Variants in ZCCHC7 observed in about 807,000 individuals in gnomAD.
ZCCHC7 encodes the protein zinc finger CCHC domain-containing protein 7.
Under a neutral mutation model 52.0 loss-of-function variants are expected in ZCCHC7, and 35 were observed. The observed-to-expected ratio is 0.67, with a 90% CI of 0.51 to 0.89. ZCCHC7 has a LOEUF of 0.89. Ranked by LOEUF, ZCCHC7 falls within the 40% of genes least tolerant of loss-of-function variation. ZCCHC7 has a pLI of 0.00. For missense variants in ZCCHC7, 574 were observed against 649.1 expected, an observed-to-expected ratio of 0.88 and a Z score of 1.26; for synonymous variants, 217 against 221.5, an observed-to-expected ratio of 0.98 and a Z score of 0.18.
At position 37,198,265 on chromosome 9, in the gene ZCCHC7, C is replaced by T. The variant is rs1327179974; in HGVS notation, c.610+71323C>T. 4.6e-5 allele frequency among the ~76,000 whole-genome samples: 7 copies of T among 152,162 alleles called. No homozygotes were observed. In the South Asian group the frequency reaches 8.3e-4, roughly 18 times the overall value. Reference sequence around the variant, plus strand: ...AGACCCAGCTAAAATATCACTTGTTCTATGGAGTCTTTCTCAGACTGAATA... The same window carrying T: ...AGACCCAGCTAAAATATCACTTGTTTTATGGAGTCTTTCTCAGACTGAATA... On this transcript the variant is annotated intron_variant, in intron 2 of 8. Coordinates refer to ENST00000336755, the MANE Select transcript of ZCCHC7 (RefSeq NM_032226.3).
rs557938264 is a variant in ZCCHC7, at chr9:37,357,445, C to T, written c.*177C>T. 236 of 500,726 alleles carry T rather than the reference C, an allele frequency of 4.7e-4. No individual in the cohort carries two copies. The highest frequency in any genetic ancestry group is 4.2e-3 in the Middle Eastern group (8 of 1,904). 31.0% of individuals were successfully genotyped at this position (500,726 alleles called of 1,614,324 possible). A position where few individuals can be genotyped will look rare whatever the true frequency, so the allele number is the denominator to read the frequency against. On this transcript the variant is annotated 3_prime_UTR_variant, in exon 9 of 9. Coordinates refer to ENST00000336755, the MANE Select transcript of ZCCHC7 (RefSeq NM_032226.3). ...CCATGGAGATCTCAATTCTCTGTGT[C>T]CAACAGGATATTAGGTAAGAAAGTA...
chr9:37,214,940 CAG>C (rs1274444207), intron 2 of ZCCHC7, among the ~76,000 whole-genome samples: 4 of 151,996 alleles, frequency 2.6e-5, no homozygotes, highest in African/African-American at 7.2e-5. Context: ...TCTTATAAAT[CAG>C]GGTGTAGGAA....
chr9:37,278,648 T>A (rs1378465855), intron 2 of ZCCHC7, among the ~76,000 whole-genome samples: 2 of 152,158 alleles, frequency 1.3e-5, no homozygotes, highest in African/African-American at 4.8e-5. Context: ...TTGAAGAGAT[T>A]CATAGCCAAA....
chr9:37,226,796 C>T (rs552363335), intron 2 of ZCCHC7, among the ~76,000 whole-genome samples: 3 of 152,056 alleles, frequency 2.0e-5, no homozygotes, highest in East Asian at 1.9e-4. Context: ...TTTGAGACAC[C>T]GAGGCGGGTG....
intron 2 of ZCCHC7, among the ~76,000 whole-genome samples, chr9:37,231,569 ACT>A (rs1277717181): frequency 6.6e-6 from 1 of 152,192 alleles, no homozygotes; most frequent in African/African-American, 2.4e-5. Context: ...AAAATTTATA[ACT>A]CAACATTAAG....
Position 37,126,400 on chromosome 9 carries a change from G to C in ZCCHC7, c.68G>C (p.Ser23Thr). ...EDDLYRDESS[S>T]ELSVDSEVEF... ...GATCTTTATCGAGATGAGTCATCTA[G>C]TGAACTGAGTGTTGATAGTGAGGTG... is the stretch of plus-strand genomic sequence containing the variant. The change falls in exon 2 of 9, where the codon AGT (serine) becomes ACT (threonine). Residue 23 changes from serine to threonine, a missense_variant. Ser to Thr is a moderately conservative substitution (Grantham distance 58). Around this residue, in one of 3 missense-constraint regions of ZCCHC7, gnomAD observed 403 missense variants for 461.2 expected, o/e 0.87. Coordinates refer to ENST00000336755, the MANE Select transcript of ZCCHC7 (RefSeq NM_032226.3). The C allele has an allele frequency of 6.2e-7, 1 of 1,614,110 alleles. No homozygotes were observed. The highest frequency in any genetic ancestry group is 8.5e-7 in the Non-Finnish European group (1 of 1,180,016).
At chr9:37,203,005 A>G (rs1040013063) in intron 2 of ZCCHC7, among the ~76,000 whole-genome samples, 1 of 152,264 alleles carries the variant, frequency 6.6e-6, no homozygotes, top group Non-Finnish European at 1.5e-5. Flanking sequence ...CAAAAGAAGC[A>G]AAACAGTTCT....
At chr9:37,141,038 A>G (rs1843199474) in intron 2 of ZCCHC7, among the ~76,000 whole-genome samples, 1 of 151,948 alleles carries the variant, frequency 6.6e-6, no homozygotes, top group Non-Finnish European at 1.5e-5. Flanking sequence ...TTATTTTTAG[A>G]ATTTATTAAA....
intron 6 of ZCCHC7, among the ~76,000 whole-genome samples, chr9:37,329,498 A>AT (rs1222749631): frequency 6.6e-6 from 1 of 151,836 alleles, no homozygotes; most frequent in Non-Finnish European, 1.5e-5. Flanking sequence ...ATCCTGGTTA[A>AT]TTTTTTAAAA....
At chr9:37,159,377 A>G (rs1056609647) in intron 2 of ZCCHC7, among the ~76,000 whole-genome samples, 1 of 152,220 alleles carries the variant, frequency 6.6e-6, no homozygotes, top group African/African-American at 2.4e-5. Flanking sequence ...AACATTTTAA[A>G]TGATTTACTA....
At chr9:37,151,110 G>A (rs554513041) in intron 2 of ZCCHC7, among the ~76,000 whole-genome samples, 6 of 151,856 alleles carry the variant, frequency 4.0e-5, no homozygotes, top group South Asian at 2.1e-4. Flanking sequence ...GACTACAGGC[G>A]CCTGCCACCA....
intron 2 of ZCCHC7, among the ~76,000 whole-genome samples, chr9:37,210,782 GTCACCAGATTTCTA>G (rs1166811023): frequency 6.6e-6 from 1 of 152,162 alleles, no homozygotes; most frequent in Non-Finnish European, 1.5e-5. Flanking sequence ...TAGGGGTCAA[GTCACCAGATTTCTA>G]TCCTCAACCT....
At chr9:37,242,415 A>G (rs1294069907) in intron 2 of ZCCHC7, among the ~76,000 whole-genome samples, 1 of 151,806 alleles carries the variant, frequency 6.6e-6, no homozygotes, top group African/African-American at 2.4e-5. Context: ...TTTATATGCT[A>G]TATGTATGAG....
chr9:37,125,886 T>C (rs1240982963), intron 1 of ZCCHC7, among the ~76,000 whole-genome samples: 1 of 152,252 alleles, frequency 6.6e-6, no homozygotes, highest in East Asian at 1.9e-4. Flanking sequence ...CCAAATACCA[T>C]TGTGTTACAG....
chr9:37,175,085 T>A (rs978011477), intron 2 of ZCCHC7, among the ~76,000 whole-genome samples: 1 of 150,654 alleles, frequency 6.6e-6, no homozygotes, highest in African/African-American at 2.5e-5. Flanking sequence ...GCCACTGCAC[T>A]CCAACCTGGA....
chr9:37,346,178 T>C (rs1296024888), intron 6 of ZCCHC7, among the ~76,000 whole-genome samples: 2 of 152,132 alleles, frequency 1.3e-5, no homozygotes, highest in East Asian at 3.9e-4. Flanking sequence ...AATTTTTGTA[T>C]TTTTAGTAGA....
intron 5 of ZCCHC7, chr9:37,326,243 ATATT>A (rs1830234203): frequency 6.6e-6 from 1 of 152,140 alleles, no homozygotes; most frequent in African/African-American, 2.4e-5. Context: ...TTTCTTGTAT[ATATT>A]CTTAAGAACT....
chr9:37,345,757 C>G (rs1458412776), intron 6 of ZCCHC7, among the ~76,000 whole-genome samples: 1 of 151,302 alleles, frequency 6.6e-6, no homozygotes, highest in Non-Finnish European at 1.5e-5. Context: ...TGACTTTTAG[C>G]TAGTCTTAAT....
chr9:37,139,376 A>G (rs1843126996), intron 2 of ZCCHC7, among the ~76,000 whole-genome samples: 1 of 152,016 alleles, frequency 6.6e-6, no homozygotes, highest in Admixed American at 6.6e-5. Context: ...ATGCTTAAGA[A>G]TACTTAAAGG....
Sources: gnomAD v4.1 joint callset for allele counts (sites outside exome capture counted in the v4.1 genomes callset) on GRCh38, gnomAD v4.1.1 for gene constraint, gnomAD v4.1.1 regional missense constraint, MANE v1.5 for transcripts, NCBI Gene and HGNC (gene_info 2026-07-23, HGNC 2026-07-21) for gene names.